The following SNW1 variants were observed in gnomAD, a reference collection of about 807,000 sequenced individuals.
SNW1 encodes the protein SNW domain containing 1, also known as SNW domain-containing protein 1.
In SNW1, 9 loss-of-function variants were observed where a neutral mutation model predicts 75.6. The ratio of observed to expected loss-of-function variants is 0.12; its 90% confidence interval spans 0.07 to 0.21. The LOEUF (loss-of-function observed/expected upper bound fraction) is 0.21, where lower values mean the gene tolerates loss of function less well. Ranked by LOEUF, SNW1 falls within the 10% of genes least tolerant of loss-of-function variation. SNW1 has a pLI of 1.00. For synonymous variants in SNW1, 200 were observed against 219.1 expected (o/e 0.91, Z 0.77); for missense variants, 409 against 670.9 (o/e 0.61, Z 4.31).
intron 11 of SNW1, chr14:77,722,720 G>C (rs914494023): frequency 2.8e-6 from 1 of 360,984 alleles, no homozygotes; most frequent in African/African-American, 2.1e-5. Context: ...AAAATTAAGT[G>C]CTAATTTATT....
chr14:77,758,315 C>CA lies in SNW1; in HGVS notation c.14+2798dup, dbSNP rs55707854. On this transcript the variant is annotated intron_variant, in intron 1 of 13. Coordinates refer to ENST00000261531, the MANE Select transcript of SNW1 (RefSeq NM_012245.3). ...CCTGGGTGAGAGTGAGACTCTGCCACAAAAAAAAAAAAAAAAAAAAAGAAC... is the reference window on the plus strand; with the variant it reads ...CCTGGGTGAGAGTGAGACTCTGCCACAAAAAAAAAAAAAAAAAAAAAAGAAC... 1.8e-3 allele frequency among the ~76,000 whole-genome samples: 155 copies of CA among 85,808 alleles called. 1 individual carries two copies. Among genetic ancestry groups the CA allele is most frequent in the East Asian group, 9.6e-3 (24 of 2,508 alleles). The allele number at this position is 85,808 out of a possible 152,430, so 56.3% of individuals were successfully genotyped here.
chr14:77,734,589 T>C (rs530345555), intron 8 of SNW1, among the ~76,000 whole-genome samples: 1 of 152,170 alleles, frequency 6.6e-6, no homozygotes, highest in South Asian at 2.1e-4. Flanking sequence ...ATACGAAAAA[T>C]TAGCCGGACG....
chr14:77,719,522 T>C (rs1357326699), intron 12 of SNW1, among the ~76,000 whole-genome samples: 1 of 152,042 alleles, frequency 6.6e-6, no homozygotes, highest in East Asian at 1.9e-4. Context: ...CCTGTGATAA[T>C]CCCAGCTACT....
chr14:77,721,887 A>C (rs747775009), intron 11 of SNW1, among the ~76,000 whole-genome samples: 1 of 152,114 alleles, frequency 6.6e-6, no homozygotes, highest in Non-Finnish European at 1.5e-5. Flanking sequence ...AGCTGGGACT[A>C]CCGGCATGTG....
At chr14:77,749,090 G>A (rs1392666882) in intron 3 of SNW1, among the ~76,000 whole-genome samples, 5 of 152,152 alleles carry the variant, frequency 3.3e-5, no homozygotes, top group Non-Finnish European at 7.3e-5. Context: ...TGCCCTTGTA[G>A]ACAGTAAGAT....
chr14:77,747,091 A>AT (rs1377501626), intron 3 of SNW1, among the ~76,000 whole-genome samples: 1 of 151,784 alleles, frequency 6.6e-6, no homozygotes, highest in Admixed American at 6.6e-5. Context: ...TGGTTTTCGT[A>AT]TTTTTTTGGT....
chr14:77,751,508 T>G (rs750738732), intron 2 of SNW1, 28 bp from the exon 3 acceptor site: 1 of 1,533,778 alleles, frequency 6.5e-7, no homozygotes, highest in Non-Finnish European at 8.8e-7. Context: ...TTAAATAAAA[T>G]AGTTAATCAT....
chr14:77,740,740 C>T (rs1171864230), intron 3 of SNW1, among the ~76,000 whole-genome samples: 1 of 152,136 alleles, frequency 6.6e-6, no homozygotes, highest in Non-Finnish European at 1.5e-5. Flanking sequence ...TTACTGTGAT[C>T]AAGACTGTTC....
chr14:77,737,159 A>G, intron 5 of SNW1, 84 bp from the exon 6 acceptor site: 3 of 978,246 alleles, frequency 3.1e-6, no homozygotes, highest in Admixed American at 3.8e-5. Context: ...CTTAAGCTAG[A>G]CTACATTTTC....
At chr14:77,746,486 A>C (rs1427323654) in intron 3 of SNW1, among the ~76,000 whole-genome samples, 1 of 152,248 alleles carries the variant, frequency 6.6e-6, no homozygotes, top group Non-Finnish European at 1.5e-5. Flanking sequence ...ATAATTGCTG[A>C]GCAGAGAGAA....
At chr14:77,746,179 C>T (rs942336862) in intron 3 of SNW1, among the ~76,000 whole-genome samples, 1 of 152,206 alleles carries the variant, frequency 6.6e-6, no homozygotes, top group African/African-American at 2.4e-5. Context: ...GCCATAGCAG[C>T]TTAGTCCTTA....
chr14:77,744,644 A>G (rs61435552), intron 3 of SNW1, among the ~76,000 whole-genome samples: 15,521 of 152,094 alleles, frequency 0.1, 970 homozygotes, highest in African/African-American at 0.15. Context: ...CATTCCCTAG[A>G]AATCAGATAA....
chr14:77,741,987 C>T (rs1443418242), intron 3 of SNW1, among the ~76,000 whole-genome samples: 1 of 151,958 alleles, frequency 6.6e-6, no homozygotes, highest in African/African-American at 2.4e-5. Flanking sequence ...GAGTGAAGGA[C>T]ATCTGAAGAG....
At chr14:77,737,528 G>C (rs1018879246) in intron 5 of SNW1, among the ~76,000 whole-genome samples, 2 of 152,050 alleles carry the variant, frequency 1.3e-5, no homozygotes, top group African/African-American at 2.4e-5. Flanking sequence ...CTCAATATCT[G>C]TATGTGATTC....
At position 77,732,519 on chromosome 14, in the gene SNW1, T is replaced by C. The variant is rs766354350; in HGVS notation, c.857A>G (p.Lys286Arg). ...QTVHINENFAKLAEALYIADR... is the reference protein window; with the variant it reads ...QTVHINENFARLAEALYIADR... Reference sequence around the variant, plus strand: ...AGCAATGTAGAGGGCTTCTGCCAATTTGGCGAAATTTTCATTTATGTGTAC... The same window carrying C: ...AGCAATGTAGAGGGCTTCTGCCAATCTGGCGAAATTTTCATTTATGTGTAC... Residue 286 changes from lysine to arginine, a missense_variant, in exon 9 of 14, where the codon AAA becomes AGA. Around this residue, in one of 9 missense-constraint regions of SNW1, gnomAD observed 37 missense variants for 110.0 expected, o/e 0.34. Transcript: ENST00000261531. 5 of 1,611,728 alleles carry C rather than the reference T, an allele frequency of 3.1e-6. No homozygotes were observed. In the Admixed American group the frequency reaches 5.0e-5, roughly 16 times the overall value.
intron 10 of SNW1, among the ~76,000 whole-genome samples, chr14:77,728,985 G>C (rs1272386150): frequency 6.6e-6 from 1 of 152,156 alleles, no homozygotes; most frequent in East Asian, 1.9e-4. Flanking sequence ...AATGCAGTAA[G>C]TTTTACTTCT....
chr14:77,728,813 G>A (rs1470419665), intron 10 of SNW1, among the ~76,000 whole-genome samples: 1 of 152,176 alleles, frequency 6.6e-6, no homozygotes, highest in African/African-American at 2.4e-5. Context: ...GGTTATCCCA[G>A]GGATTATGAG....
intron 2 of SNW1, among the ~76,000 whole-genome samples, chr14:77,753,953 A>C (rs2080826015): frequency 6.6e-6 from 1 of 152,022 alleles, no homozygotes; most frequent in Admixed American, 6.6e-5. Context: ...ATTCCATCCC[A>C]AAAATAAAAA....
rs1430489079 is a variant in SNW1 at position 77,718,297 on chromosome 14, G to A, written c.1413-11C>T. On this transcript the variant is annotated splice_polypyrimidine_tract_variant and intron_variant, in intron 13 of 13. Coordinates refer to ENST00000261531, the MANE Select transcript of SNW1 (RefSeq NM_012245.3). ...TTGTCGGGAACAAATCTAAGGAAAA[G>A]GAGAAAAAACTATGAACTACTTTGC... 2 of 1,613,812 alleles carry A rather than the reference G, an allele frequency of 1.2e-6. No individual in the cohort carries two copies. The highest frequency in any genetic ancestry group is 1.3e-5 in the African/African-American group (1 of 74,872).
Sources: gnomAD v4.1 joint callset for allele counts (sites outside exome capture counted in the v4.1 genomes callset) on GRCh38, gnomAD v4.1.1 for gene constraint, gnomAD v4.1.1 regional missense constraint, MANE v1.5 for transcripts, NCBI Gene and HGNC (gene_info 2026-07-23, HGNC 2026-07-21) for gene names.